The following AEBP2 variants were observed in gnomAD, a reference collection of about 807,000 sequenced individuals.
AEBP2 encodes AE binding protein 2.
A neutral mutation model predicts 50.8 loss-of-function variants in AEBP2; 10 were observed. The observed-to-expected ratio is 0.20, with a 90% CI of 0.12 to 0.33. AEBP2 has a LOEUF of 0.33. Ranked by LOEUF, AEBP2 falls within the 10% of genes least tolerant of loss-of-function variation. The probability of loss-of-function intolerance (pLI) is 1.00; values close to 1 mark genes in which losing one functional copy is unlikely to be tolerated. For synonymous variants in AEBP2, 296 were observed against 261.3 expected, an observed-to-expected ratio of 1.13 and a Z score of -1.28; for missense variants, 570 against 688.0, an observed-to-expected ratio of 0.83 and a Z score of 1.92.
At position 19,518,215 on chromosome 12, in the gene AEBP2, C is replaced by CTTAT; in HGVS notation, c.*100_*101insATTT. The CTTAT allele has an allele frequency of 7.9e-7, 1 of 1,273,514 alleles. No homozygotes were observed. The highest frequency in any genetic ancestry group is 9.9e-7 in the Non-Finnish European group (1 of 1,008,506). The allele number at this position is 1,273,514 out of a possible 1,614,324, so 78.9% of individuals were successfully genotyped here. On this transcript the variant is annotated 3_prime_UTR_variant, in exon 8 of 8. Transcript: ENST00000266508. ...GAAAGTTGCACATTAGAGTCAACCCCTTCTTTTTTTTTTTTTTTTTTTTAA... is the reference window on the plus strand; with the variant it reads ...GAAAGTTGCACATTAGAGTCAACCCCTTATTTCTTTTTTTTTTTTTTTTTTTTAA...
intron 1 of AEBP2, among the ~76,000 whole-genome samples, chr12:19,406,177 G>A (rs1236450334): frequency 6.6e-6 from 1 of 151,848 alleles, no homozygotes; most frequent in African/African-American, 2.4e-5. Context: ...TATTGGCCAG[G>A]CTAGTCTCGA....
chr12:19,422,715 T>C (rs963654834), intron 1 of AEBP2, among the ~76,000 whole-genome samples: 1 of 151,796 alleles, frequency 6.6e-6, no homozygotes, highest in Non-Finnish European at 1.5e-5. Flanking sequence ...TCCAGATATA[T>C]GGGAGGGTAG....
At chr12:19,486,955 A>G (rs2080489401) in intron 3 of AEBP2, among the ~76,000 whole-genome samples, 1 of 151,848 alleles carries the variant, frequency 6.6e-6, no homozygotes, top group Non-Finnish European at 1.5e-5. Flanking sequence ...GATCCTTTTA[A>G]TTTTGGCCAT....
At chr12:19,439,266 G>T (rs955417934), upstream of AEBP2, among the ~76,000 whole-genome samples, 19 of 152,290 alleles carry the variant, frequency 1.2e-4, no homozygotes, top group African/African-American at 4.3e-4. Flanking sequence ...AACTCGGAAG[G>T]CTGCTAAAAT....
chr12:19,465,402 A>G (rs1190929677), intron 2 of AEBP2, among the ~76,000 whole-genome samples: 7 of 151,826 alleles, frequency 4.6e-5, no homozygotes, highest in Non-Finnish European at 1.0e-4. Context: ...TCAAAAAAAA[A>G]ATAAATAAAA....
chr12:19,486,667 G>A (rs1948814645), intron 3 of AEBP2, among the ~76,000 whole-genome samples: 2 of 152,126 alleles, frequency 1.3e-5, no homozygotes, highest in African/African-American at 4.8e-5. Flanking sequence ...ACGGGCATGA[G>A]GCACCATGCT....
rs1027563499 is a variant in AEBP2, at chr12:19,467,168, A to C, written c.879+4451A>C. Among the ~76,000 whole-genome samples, 3 of 152,152 alleles carry C rather than the reference A, an allele frequency of 2.0e-5. No homozygotes were observed. The East Asian group carries it at 5.8e-4, about 29-fold the overall frequency. ...TGCTGGTCTTGCCTTGGCCTCCCAA[A>C]GTGCTAGGATTACAGGTGTGAGCCA... On this transcript the variant is annotated intron_variant, in intron 2 of 7. Coordinates refer to ENST00000266508, the MANE Select transcript of AEBP2 (RefSeq NM_153207.5).
chr12:19,469,495 T>C (rs1948538878), intron 2 of AEBP2, among the ~76,000 whole-genome samples: 1 of 152,184 alleles, frequency 6.6e-6, no homozygotes, highest in African/African-American at 2.4e-5. Flanking sequence ...AAGAACTGGA[T>C]TGAATTCAGT....
upstream of AEBP2, among the ~76,000 whole-genome samples, chr12:19,435,474 G>T (rs1449365691): frequency 6.6e-6 from 1 of 152,074 alleles, no homozygotes; most frequent in Non-Finnish European, 1.5e-5. Context: ...GTAACCTCAA[G>T]TGATTTGTCT....
chr12:19,436,819 C>T (rs568276974), upstream of AEBP2, among the ~76,000 whole-genome samples: 1 of 152,054 alleles, frequency 6.6e-6, no homozygotes, highest in Non-Finnish European at 1.5e-5. Context: ...AGGCTGGTCT[C>T]GAACTCCTGG....
chr12:19,494,083 A>G (rs965736983), intron 4 of AEBP2, 97 bp downstream of exon 4: 11 of 1,329,082 alleles, frequency 8.3e-6, no homozygotes, highest in African/African-American at 7.5e-5. Context: ...CTCCTCTTCT[A>G]TTAAAAGTAA....
Position 19,500,241 on chromosome 12 carries a change from T to A in AEBP2, c.1299+20T>A. On this transcript the variant is annotated intron_variant, in intron 5 of 7. Coordinates refer to ENST00000266508, the MANE Select transcript of AEBP2 (RefSeq NM_153207.5). ...AGTACTGTAAGTATTCTTTTATTTT[T>A]TCAAATTAAATATAAAACTTTGCAA... is the stretch of plus-strand genomic sequence containing the variant. The A allele has an allele frequency of 1.4e-6, 2 of 1,431,370 alleles. No homozygotes were observed. Among genetic ancestry groups the A allele is most frequent in the Non-Finnish European group, 1.8e-6 (2 of 1,084,066 alleles). 88.7% of individuals were successfully genotyped at this position (1,431,370 alleles called of 1,614,324 possible).
In AEBP2 at chr12:19,440,296, C is replaced by T; in HGVS notation, c.597C>T (p.Thr199=). 1 of 1,464,830 alleles carries T rather than the reference C, an allele frequency of 6.8e-7. No individual in the cohort carries two copies. The highest frequency in any genetic ancestry group is 9.0e-7 in the Non-Finnish European group (1 of 1,116,644). The allele number at this position is 1,464,830 out of a possible 1,614,324, so 90.7% of individuals were successfully genotyped here. A position where few individuals can be genotyped will look rare whatever the true frequency, so the allele number is the denominator to read the frequency against. Reference sequence around the variant, plus strand: ...CTGGGGGAGGCGGAAGCAGCGCGACCTCCGGGGGCCGGCGGGGCAGCTTGG... The same window carrying T: ...CTGGGGGAGGCGGAAGCAGCGCGACTTCCGGGGGCCGGCGGGGCAGCTTGG... ...YGTGGGGSSA[T]SGGRRGSLEM... Residue 199 remains threonine (T), a synonymous_variant, in exon 1 of 8, where the codon ACC becomes ACT. Transcript: ENST00000266508.
At chr12:19,434,299 G>A (rs1476787057) in intron 1 of AEBP2, among the ~76,000 whole-genome samples, 1 of 151,000 alleles carries the variant, frequency 6.6e-6, no homozygotes, top group Non-Finnish European at 1.5e-5. Context: ...TCAGCCTCCC[G>A]AGTAGCTGGG....
At chr12:19,431,859 C>T (rs1419557845) in intron 1 of AEBP2, among the ~76,000 whole-genome samples, 1 of 152,158 alleles carries the variant, frequency 6.6e-6, no homozygotes, top group African/African-American at 2.4e-5. Flanking sequence ...TGATCTTGCT[C>T]ACCATGGCAA....
chr12:19,451,316 G>A (rs1197004784), intron 1 of AEBP2, among the ~76,000 whole-genome samples: 1 of 152,170 alleles, frequency 6.6e-6, no homozygotes, highest in Non-Finnish European at 1.5e-5. Context: ...CTCATGTCAT[G>A]TATCTGTCAC....
At chr12:19,431,089 T>C (rs1240540719) in intron 1 of AEBP2, among the ~76,000 whole-genome samples, 2 of 151,184 alleles carry the variant, frequency 1.3e-5, no homozygotes, top group African/African-American at 4.9e-5. Flanking sequence ...AAAATAGATA[T>C]ACAGGCAAGT....
rs768187124 is a variant in AEBP2, at chr12:19,498,121, TTGAG to T, written c.1175-1971_1175-1968del. 2.0e-4 allele frequency among the ~76,000 whole-genome samples: 31 copies of T among 152,282 alleles called. 1 individual carries two copies. Among genetic ancestry groups the T allele is most frequent in the Non-Finnish European group, 3.4e-4 (23 of 68,006 alleles). On this transcript the variant is annotated intron_variant, in intron 4 of 7. Coordinates refer to ENST00000266508, the MANE Select transcript of AEBP2 (RefSeq NM_153207.5). ...TAAGTGATGGCTTCAATGTTTAAAT[TTGAG>T]TGAGGAGTGGTTAATTTTAGTGATT...
chr12:19,474,177 A>C (rs1449221278), intron 3 of AEBP2, among the ~76,000 whole-genome samples: 1 of 152,230 alleles, frequency 6.6e-6, no homozygotes, highest in Non-Finnish European at 1.5e-5. Flanking sequence ...ATCTTTATAA[A>C]GAGCAAGTTT....
Sources: gnomAD v4.1 joint callset for allele counts (sites outside exome capture counted in the v4.1 genomes callset) on GRCh38, gnomAD v4.1.1 for gene constraint, MANE v1.5 for transcripts, NCBI Gene and HGNC (gene_info 2026-07-23, HGNC 2026-07-21) for gene names.